Variants in SEMA4D observed in about 807,000 individuals in gnomAD.
The protein encoded by SEMA4D is semaphorin-4D.
A neutral mutation model predicts 74.8 loss-of-function variants in SEMA4D; 22 were observed. The observed-to-expected ratio is 0.29, with a 90% CI of 0.21 to 0.42. SEMA4D has a LOEUF of 0.42. SEMA4D is among the 10% of genes least tolerant of loss of function. The probability of loss-of-function intolerance (pLI) is 1.00; values close to 1 mark genes in which losing one functional copy is unlikely to be tolerated. For missense variants in SEMA4D, 937 were observed against 1,118.4 expected, an observed-to-expected ratio of 0.84 and a Z score of 2.31; for synonymous variants, 445 against 463.7, an observed-to-expected ratio of 0.96 and a Z score of 0.52.
chr9:89,434,288 C>T (rs1408063530), intron 2 of SEMA4D, among the ~76,000 whole-genome samples: 1 of 152,158 alleles, frequency 6.6e-6, no homozygotes, highest in Admixed American at 6.6e-5. Context: ...GTCTAGGAGC[C>T]AGCCAGGACC....
At chr9:89,478,731 C>A (rs866111017) in intron 1 of SEMA4D, among the ~76,000 whole-genome samples, 1 of 152,026 alleles carries the variant, frequency 6.6e-6, no homozygotes, top group Non-Finnish European at 1.5e-5. Context: ...CACTCTCCCA[C>A]CCAAAACCTG....
At chr9:89,448,749 A>G (rs1036844359) in intron 2 of SEMA4D, among the ~76,000 whole-genome samples, 1 of 152,268 alleles carries the variant, frequency 6.6e-6, no homozygotes, top group Non-Finnish European at 1.5e-5. Flanking sequence ...TCTGCAAAGA[A>G]AAATGGGCCA....
chr9:89,379,578 G>A lies in SEMA4D; in HGVS notation c.1715C>T (p.Ala572Val), dbSNP rs143261735. The change falls in exon 16 of 16, where the codon GCG (alanine) becomes GTG (valine). Residue 572 changes from alanine (A) to valine (V), a missense_variant. Coordinates refer to ENST00000422704, the MANE Select transcript of SEMA4D (RefSeq NM_001371194.2). ...RQHFFKHGGTAELKCSQKSNL... is the reference protein window; with the variant it reads ...RQHFFKHGGTVELKCSQKSNL... ...GGATTTTTGGGAGCATTTCAGTTCC[G>A]CTGTGCCACCGTGCTTGAAAAAATG... The A allele has an allele frequency of 2.4e-5, 38 of 1,613,852 alleles. 1 individual carries two copies. In the Middle Eastern group the frequency reaches 6.6e-4, roughly 28 times the overall value.
At chr9:89,363,238 C>T (rs1031215809) in intron 18 of SEMA4D, among the ~76,000 whole-genome samples, 8 of 151,922 alleles carry the variant, frequency 5.3e-5, no homozygotes, top group African/African-American at 1.4e-4. Flanking sequence ...CCTTGATCTC[C>T]TGCAGTCTCA....
chr9:89,476,936 G>A (rs1861889120), intron 1 of SEMA4D, among the ~76,000 whole-genome samples: 1 of 152,114 alleles, frequency 6.6e-6, no homozygotes, highest in Non-Finnish European at 1.5e-5. Flanking sequence ...GGATAGGAGA[G>A]CCGACATATC....
At position 89,447,862 on chromosome 9, in the gene SEMA4D, A is replaced by G. The variant is rs1853349096; in HGVS notation, c.-244+8026T>C. On this transcript the variant is annotated intron_variant, in intron 2 of 15. Transcript: ENST00000422704. ...CAGGGCCTTTGCTCCTTTGTTCCCC[A>G]TGCATACGGTGCTCCTCCCCAGGCA... 2.6e-5 allele frequency among the ~76,000 whole-genome samples: 4 copies of G among 151,878 alleles called. No individual in the cohort carries two copies. In the South Asian group the frequency reaches 8.3e-4, roughly 32 times the overall value.
rs778251496 is a variant in SEMA4D at position 89,379,349 on chromosome 9, C to T, written c.1944G>A (p.Val648=). Residue 648 remains valine (V), a synonymous_variant, in exon 16 of 16, where the codon GTG becomes GTA. Transcript: ENST00000422704. ...TGGGGGCCACTACGGGCTTTGGAAC[C>T]ACCTTCACTTCCAGGACGTGCTTGG... ...VVAKHVLEVK[V]VPKPVVAPTL... The T allele has an allele frequency of 2.5e-6, 4 of 1,614,046 alleles. No homozygotes were observed. In the African/African-American group the frequency reaches 4.0e-5, roughly 16 times the overall value.
At chr9:89,442,551 A>C (rs1247688404) in intron 2 of SEMA4D, among the ~76,000 whole-genome samples, 1 of 152,208 alleles carries the variant, frequency 6.6e-6, no homozygotes, top group Non-Finnish European at 1.5e-5. Flanking sequence ...CATAAAAATA[A>C]ACCATCTGCC....
intron 16 of SEMA4D, among the ~76,000 whole-genome samples, chr9:89,371,539 G>GGGTGT (rs1564499255): frequency 4.6e-5 from 1 of 21,650 alleles, no homozygotes; most frequent in Non-Finnish European, 1.2e-4. Context: ...TGTGTGTGGG[G>GGGTGT]GTGTGTTTGG....
In SEMA4D at chr9:89,388,873, G is replaced by T; in HGVS notation, c.949C>A (p.Leu317Met). ...PVFYALFTPQ[L>M]NNVGLSAVCA... ...GGGGACTCCACCCAGGGCACTTACA[G>T]CTGTGGGGTGAAGAGTGCATAGAAC... Residue 317 changes from leucine (L) to methionine (M), a missense_variant and splice_region_variant, in exon 10 of 16, where the codon CTG becomes ATG. Physicochemically the swap from Leu to Met is conservative, Grantham distance 15. Transcript: ENST00000422704. 6.2e-7 allele frequency: 1 copy of T among 1,613,862 alleles called. No individual in the cohort carries two copies. The highest frequency in any genetic ancestry group is 8.5e-7 in the Non-Finnish European group (1 of 1,179,816).
At chr9:89,431,807 C>G (rs1034237927) in intron 2 of SEMA4D, among the ~76,000 whole-genome samples, 1 of 152,180 alleles carries the variant, frequency 6.6e-6, no homozygotes, top group Non-Finnish European at 1.5e-5. Flanking sequence ...AAGATTCTCT[C>G]TTTTGATGGT....
At chr9:89,385,870 G>T (rs1347833258) in intron 13 of SEMA4D, 1 of 282,828 alleles carries the variant, frequency 3.5e-6, no homozygotes, top group Non-Finnish European at 4.4e-6. Context: ...GTGGATGCCC[G>T]CCCACCCACC....
At chr9:89,419,699 G>A (rs1846487578) in intron 2 of SEMA4D, among the ~76,000 whole-genome samples, 6 of 152,158 alleles carry the variant, frequency 3.9e-5, no homozygotes, top group Admixed American at 3.9e-4. Flanking sequence ...GATCACTTGA[G>A]GTCAGGAGTT....
intron 16 of SEMA4D, among the ~76,000 whole-genome samples, chr9:89,366,290 ATTG>A (rs527741182): frequency 1.4e-4 from 22 of 152,164 alleles, no homozygotes; most frequent in Non-Finnish European, 2.8e-4. Context: ...TAAATTTGGG[ATTG>A]TTTAAATTTT....
In SEMA4D at chr9:89,392,427, C is replaced by G. The variant is rs199516564; in HGVS notation, c.618G>C (p.Leu206=). The G allele has an allele frequency of 4.4e-6, 7 of 1,607,570 alleles. No individual in the cohort carries two copies. The highest frequency in any genetic ancestry group is 6.0e-6 in the Non-Finnish European group (7 of 1,174,238). Residue 206 remains leucine, a synonymous_variant, in exon 8 of 16, where the codon CTG becomes CTC. Coordinates refer to ENST00000422704, the MANE Select transcript of SEMA4D (RefSeq NM_001371194.2). ...PLRTEYAIPW[L]NEPSFVFADV... ...AGGTGCACTGCTCTTCCTTACCGTT[C>G]AGCCAAGGGATTGCATATTCTGTCC...
At chr9:89,477,118 G>A (rs1342047008) in intron 1 of SEMA4D, among the ~76,000 whole-genome samples, 1 of 152,160 alleles carries the variant, frequency 6.6e-6, no homozygotes, top group Admixed American at 6.5e-5. Flanking sequence ...CTAATGAGAA[G>A]AGACTCCTAA....
At chr9:89,400,700 T>C (rs961202056) in intron 4 of SEMA4D, among the ~76,000 whole-genome samples, 2 of 152,220 alleles carry the variant, frequency 1.3e-5, no homozygotes, top group African/African-American at 2.4e-5. Context: ...ATGAAATGCA[T>C]AAGGACAAGG....
intron 2 of SEMA4D, chr9:89,450,687 A>AAAAT: frequency 2.0e-6 from 2 of 982,322 alleles, no homozygotes; most frequent in Non-Finnish European, 3.0e-6. Context: ...AAAAAAAAAA[A>AAAAT]GGCCTCCAAG....
intron 2 of SEMA4D, among the ~76,000 whole-genome samples, chr9:89,407,030 T>C (rs1339132040): frequency 2.0e-5 from 3 of 148,926 alleles, no homozygotes; most frequent in Non-Finnish European, 4.5e-5. Context: ...TCTCCTCCTG[T>C]CCATCTCCAC....
Sources: allele counts gnomAD v4.1 joint callset (sites outside exome capture counted in the v4.1 genomes callset), GRCh38; gene constraint gnomAD v4.1.1; transcripts MANE v1.5; gene names NCBI Gene and HGNC (gene_info 2026-07-23, HGNC 2026-07-21).